Variants in NCKAP1 observed in about 807,000 individuals in gnomAD.
The protein encoded by NCKAP1 is nck-associated protein 1.
A neutral mutation model predicts 151.2 loss-of-function variants in NCKAP1; 21 were observed. That is an observed-to-expected ratio of 0.14 (90% CI 0.10 to 0.20). NCKAP1 has a LOEUF of 0.20. Ranked by LOEUF, NCKAP1 falls within the 10% of genes least tolerant of loss-of-function variation. NCKAP1 has a pLI of 1.00. For synonymous variants in NCKAP1, 484 were observed against 451.8 expected (o/e 1.07, Z -0.90); for missense variants, 933 against 1,352.1 (o/e 0.69, Z 4.86).
chr2:182,997,362 T>G (rs964557750), intron 6 of NCKAP1, among the ~76,000 whole-genome samples: 3 of 152,212 alleles, frequency 2.0e-5, no homozygotes, highest in African/African-American at 7.2e-5. Flanking sequence ...TTTGAGCTAT[T>G]TTTATCATCG....
At position 182,962,143 on chromosome 2, in the gene NCKAP1, A is replaced by T; in HGVS notation, c.1881+16T>A. Reference sequence around the variant, plus strand: ...ACACAAAATTTCCTATCTGTTGGAAACACTTAAATCATTACCTGGTCACTA... The same window carrying T: ...ACACAAAATTTCCTATCTGTTGGAATCACTTAAATCATTACCTGGTCACTA... On this transcript the variant is annotated intron_variant, in intron 18 of 30. Transcript: ENST00000361354. 6.4e-7 allele frequency: 1 copy of T among 1,567,338 alleles called. No individual in the cohort carries two copies. The highest frequency in any genetic ancestry group is 8.6e-7 in the Non-Finnish European group (1 of 1,158,250).
chr2:182,970,648 G>A (rs959731358), intron 15 of NCKAP1, among the ~76,000 whole-genome samples: 4 of 152,082 alleles, frequency 2.6e-5, no homozygotes, highest in Non-Finnish European at 4.4e-5. Flanking sequence ...TGATGAACCC[G>A]CAGCTAGCAA....
At chr2:183,035,479 T>C (rs1575077429) in intron 1 of NCKAP1, among the ~76,000 whole-genome samples, 2 of 152,266 alleles carry the variant, frequency 1.3e-5, no homozygotes. Context: ...CATGCATTAA[T>C]GAAAATGTGA....
intron 29 of NCKAP1, chr2:182,927,129 C>G: frequency 2.5e-6 from 1 of 397,718 alleles, no homozygotes; most frequent in Non-Finnish European, 4.4e-6. Context: ...ATCAAATATT[C>G]TTATTGGTCT....
At chr2:183,004,318 G>A (rs1274041241) in intron 2 of NCKAP1, among the ~76,000 whole-genome samples, 2 of 152,094 alleles carry the variant, frequency 1.3e-5, no homozygotes, top group Admixed American at 6.6e-5. Context: ...ATACAATGCT[G>A]AGGCCTCCAT....
chr2:183,012,114 T>C (rs915388061), intron 2 of NCKAP1, among the ~76,000 whole-genome samples: 2 of 152,224 alleles, frequency 1.3e-5, no homozygotes, highest in African/African-American at 2.4e-5. Context: ...GGTTTAAAGA[T>C]GGTGAAAAAC....
intron 2 of NCKAP1, among the ~76,000 whole-genome samples, chr2:183,013,385 C>T (rs566165657): frequency 6.6e-6 from 1 of 152,266 alleles, no homozygotes; most frequent in African/African-American, 2.4e-5. Context: ...CTCCTGTTCT[C>T]TCACCCCATT....
intron 1 of NCKAP1, 62 bp from the exon 2 acceptor site, chr2:183,023,978 A>C: frequency 8.4e-7 from 1 of 1,189,406 alleles, no homozygotes; most frequent in South Asian, 1.3e-5. Context: ...CAAAAATAGC[A>C]AATCTGCAAT....
intron 16 of NCKAP1, 52 bp from the exon 17 acceptor site, chr2:182,964,860 T>C (rs768184100): frequency 1.4e-6 from 2 of 1,429,040 alleles, no homozygotes; most frequent in East Asian, 4.7e-5. Context: ...GTAAGTTTTC[T>C]GATATAGTAC....
intron 1 of NCKAP1, chr2:183,024,878 C>T: frequency 7.5e-7 from 1 of 1,341,340 alleles, no homozygotes; most frequent in Non-Finnish European, 1.0e-6. Flanking sequence ...CCATTGTTTA[C>T]TATGGCTATG....
intron 1 of NCKAP1, among the ~76,000 whole-genome samples, chr2:183,037,442 C>T (rs1015386561): frequency 5.3e-5 from 8 of 152,190 alleles, no homozygotes; most frequent in African/African-American, 1.9e-4. Context: ...AACACACTCT[C>T]AATGGCTTTT....
At chr2:182,954,147 T>C (rs1051794293) in intron 20 of NCKAP1, among the ~76,000 whole-genome samples, 1 of 152,158 alleles carries the variant, frequency 6.6e-6, no homozygotes, top group Non-Finnish European at 1.5e-5. Flanking sequence ...TGGTTATGAC[T>C]AGGATTTGAC....
chr2:182,956,952 A>G (rs1300125784), intron 19 of NCKAP1: 6 of 176,118 alleles, frequency 3.4e-5, no homozygotes, highest in Admixed American at 6.3e-5. Context: ...ATTTAGCAAG[A>G]AAGTAGGAAC....
chr2:183,027,410 CTTGAT>C (rs1193489657), intron 1 of NCKAP1, among the ~76,000 whole-genome samples: 1 of 152,076 alleles, frequency 6.6e-6, no homozygotes, highest in Admixed American at 6.5e-5. Context: ...AATCCACTTA[CTTGAT>C]TTATTTGCTT....
rs1023711205 is a variant in NCKAP1, at chr2:182,924,680, T to C, written c.*1022A>G. On this transcript the variant is annotated 3_prime_UTR_variant, in exon 31 of 31. Coordinates refer to ENST00000361354, the MANE Select transcript of NCKAP1 (RefSeq NM_013436.5). ...TAAGTTCTTAATTTTTAAGAAGTAT[T>C]GTGTAATTTTATTTTCTAATTTTGG... 6 of 152,164 alleles carry C rather than the reference T, an allele frequency of 3.9e-5. No homozygotes were observed. The highest frequency in any genetic ancestry group is 2.0e-4 in the Admixed American group (3 of 15,272). 9.4% of individuals were successfully genotyped at this position (152,164 alleles called of 1,614,324 possible).
chr2:182,945,349 G>C (rs1297059781), intron 23 of NCKAP1, among the ~76,000 whole-genome samples: 1 of 152,046 alleles, frequency 6.6e-6, no homozygotes, highest in East Asian at 1.9e-4. Flanking sequence ...AGTGAGCTAT[G>C]AACGTGCAAC....
At chr2:182,984,423 G>GGGGTGTGTGTGTGTGTGTGT (rs984252600) in intron 10 of NCKAP1, among the ~76,000 whole-genome samples, 1 of 144,282 alleles carries the variant, frequency 6.9e-6, no homozygotes, top group Admixed American at 6.9e-5. Context: ...TTTAGATTGG[G>GGGGTGTGTGTGTGTGTGTGT]GTGTGTGTGT....
chr2:182,929,580 G>C (rs1220561015), intron 27 of NCKAP1, among the ~76,000 whole-genome samples: 1 of 151,692 alleles, frequency 6.6e-6, no homozygotes, highest in East Asian at 1.9e-4. Flanking sequence ...GGGTTATTTA[G>C]GCTACTAATC....
At chr2:183,027,157 T>C (rs1249950322) in intron 1 of NCKAP1, among the ~76,000 whole-genome samples, 1 of 152,206 alleles carries the variant, frequency 6.6e-6, no homozygotes, top group Non-Finnish European at 1.5e-5. Flanking sequence ...TTTAAAATCT[T>C]GGCACCATCA....
Sources: allele counts gnomAD v4.1 joint callset (sites outside exome capture counted in the v4.1 genomes callset), GRCh38; gene constraint gnomAD v4.1.1; transcripts MANE v1.5; gene names NCBI Gene and HGNC (gene_info 2026-07-23, HGNC 2026-07-21).